The following NTN1 variants were observed in gnomAD, a reference collection of about 807,000 sequenced individuals.
The protein encoded by NTN1 is netrin 1, also known as netrin-1.
Under a neutral mutation model 54.2 loss-of-function variants are expected in NTN1, and 11 were observed. That is an observed-to-expected ratio of 0.20 (90% confidence interval 0.13 to 0.34). The LOEUF (loss-of-function observed/expected upper bound fraction) is 0.34, where lower values mean the gene tolerates loss of function less well. Among genes scored for constraint, NTN1 ranks in the 10% least tolerant of loss-of-function variants. NTN1 has a pLI of 1.00. For missense variants in NTN1, 740 were observed against 893.1 expected, an observed-to-expected ratio of 0.83 and a Z score of 2.18; for synonymous variants, 371 against 382.0, an observed-to-expected ratio of 0.97 and a Z score of 0.33.
intron 2 of NTN1, among the ~76,000 whole-genome samples, chr17:9,029,732 G>A (rs937179682): frequency 3.9e-5 from 6 of 152,196 alleles, no homozygotes; most frequent in South Asian, 2.1e-4. Context: ...GGTGGCTCAC[G>A]CCTGTAATCC....
chr17:9,075,058 C>T (rs528744012), intron 2 of NTN1, among the ~76,000 whole-genome samples: 1 of 152,210 alleles, frequency 6.6e-6, no homozygotes, highest in Non-Finnish European at 1.5e-5. Context: ...TACCAAGTCT[C>T]TTTGAGAGGC....
At chr17:9,227,313 A>G (rs1446553162) in intron 6 of NTN1, among the ~76,000 whole-genome samples, 1 of 137,728 alleles carries the variant, frequency 7.3e-6, no homozygotes, top group Non-Finnish European at 1.5e-5. Context: ...TCACAAACAC[A>G]CCACACACAT....
chr17:9,074,318 C>T (rs543204820), intron 2 of NTN1, among the ~76,000 whole-genome samples: 42 of 152,332 alleles, frequency 2.8e-4, no homozygotes, highest in Admixed American at 9.8e-4. Flanking sequence ...GACTCATTCT[C>T]ATCAAGGGTC....
At chr17:9,182,222 T>TCCCCAAACGTGTTGGG (rs1017683494) in intron 4 of NTN1, among the ~76,000 whole-genome samples, 4 of 127,498 alleles carry the variant, frequency 3.1e-5, no homozygotes, top group South Asian at 2.8e-4. Flanking sequence ...CAAGCCATCC[T>TCCCCAAACGTGTTGGG]CCCCAAACGT....
chr17:9,191,656 A>G (rs1904460673), intron 5 of NTN1, among the ~76,000 whole-genome samples: 1 of 152,198 alleles, frequency 6.6e-6, no homozygotes, highest in African/African-American at 2.4e-5. Flanking sequence ...AGAAATTTAG[A>G]GAATTTGTAC....
intron 2 of NTN1, among the ~76,000 whole-genome samples, chr17:9,072,206 C>G (rs1298340949): frequency 6.6e-6 from 1 of 151,764 alleles, no homozygotes; most frequent in East Asian, 1.9e-4. Context: ...CAGCTTCACA[C>G]CAGCCCCCTC....
intron 3 of NTN1, chr17:9,171,919 G>T (rs1053922993): frequency 8.2e-6 from 1 of 122,506 alleles, no homozygotes. Context: ...ACGGAGTTTC[G>T]CTCTTGTTGC....
At chr17:9,127,780 T>C (rs1306718576) in intron 2 of NTN1, among the ~76,000 whole-genome samples, 4 of 152,094 alleles carry the variant, frequency 2.6e-5, no homozygotes, top group Non-Finnish European at 5.9e-5. Flanking sequence ...GGGTTGGAGC[T>C]AATTCTAGGA....
chr17:9,172,231 C>T (rs2142308394), intron 3 of NTN1, among the ~76,000 whole-genome samples: 1 of 152,190 alleles, frequency 6.6e-6, no homozygotes, highest in East Asian at 2.0e-4. Context: ...GGTGCGGTGG[C>T]TCACGCCTGT....
At chr17:9,005,998 G>A in the NTN1 span, among the ~76,000 whole-genome samples, 10 of 152,204 alleles carry the variant, frequency 6.6e-5, no homozygotes, top group Non-Finnish European at 1.0e-4. Flanking sequence ...CAGAGCAGCC[G>A]GCCATAGGGG....
intron 6 of NTN1, among the ~76,000 whole-genome samples, chr17:9,237,379 T>C (rs1906026878): frequency 6.6e-6 from 1 of 152,172 alleles, no homozygotes; most frequent in African/African-American, 2.4e-5. Context: ...ACTTAACATT[T>C]TTAAAAATTT....
chr17:9,011,853 G>A, the NTN1 span, among the ~76,000 whole-genome samples: 1 of 152,170 alleles, frequency 6.6e-6, no homozygotes, highest in Admixed American at 6.5e-5. Flanking sequence ...CCCCCAGAGT[G>A]CTGAGATTAC....
intron 5 of NTN1, among the ~76,000 whole-genome samples, chr17:9,207,446 G>A (rs1049939196): frequency 1.3e-5 from 2 of 152,092 alleles, no homozygotes; most frequent in South Asian, 2.1e-4. Context: ...CTGTCATGTC[G>A]GGCTTCATCT....
intron 2 of NTN1, among the ~76,000 whole-genome samples, chr17:9,114,272 G>T (rs34136310): frequency 6.8e-6 from 1 of 147,798 alleles, no homozygotes; most frequent in Non-Finnish European, 1.5e-5. Flanking sequence ...TAAGTATGAC[G>T]GGTCTGATAC....
chr17:9,081,714 T>C lies in NTN1; in HGVS notation c.1018+58323T>C, dbSNP rs1486389725. On this transcript the variant is annotated intron_variant, in intron 2 of 6. Transcript: ENST00000173229. ...GAAGAGGAGATTGATGACAGTCCCT[T>C]GCAGATATGAATGGCAGGAGGCTGG... Among the ~76,000 whole-genome samples, 5 of 152,328 alleles carry C rather than the reference T, an allele frequency of 3.3e-5. No individual in the cohort carries two copies. In the East Asian group the frequency reaches 9.6e-4, roughly 29 times the overall value.
chr17:9,229,114 GTGAC>G (rs1597550861), intron 6 of NTN1, among the ~76,000 whole-genome samples: 2 of 150,730 alleles, frequency 1.3e-5, no homozygotes, highest in Non-Finnish European at 1.5e-5. Context: ...CTGTGAGTGT[GTGAC>G]TGTGTTACTG....
chr17:9,019,536 T>A (rs540073371), upstream of NTN1, among the ~76,000 whole-genome samples: 11 of 152,350 alleles, frequency 7.2e-5, 1 homozygote, highest in South Asian at 2.1e-3. Context: ...TATTTATATG[T>A]GTTACAGACC....
At chr17:9,155,005 C>T (rs895595476) in intron 2 of NTN1, among the ~76,000 whole-genome samples, 4 of 152,190 alleles carry the variant, frequency 2.6e-5, no homozygotes, top group South Asian at 2.1e-4. Flanking sequence ...ACAGGATCCC[C>T]AGGTGACCAT....
intron 2 of NTN1, among the ~76,000 whole-genome samples, chr17:9,157,852 C>G (rs1278864504): frequency 2.0e-5 from 3 of 152,216 alleles, no homozygotes; most frequent in African/African-American, 4.8e-5. Context: ...GCCCTTTCCT[C>G]CCTGTCTTGA....
Sources: allele counts gnomAD v4.1 joint callset (sites outside exome capture counted in the v4.1 genomes callset), GRCh38; gene constraint gnomAD v4.1.1; transcripts MANE v1.5; gene names NCBI Gene and HGNC (gene_info 2026-07-23, HGNC 2026-07-21).